Variants in MTHFD1 observed in about 807,000 individuals in gnomAD.
MTHFD1 encodes methylenetetrahydrofolate dehydrogenase, cyclohydrolase and formyltetrahydrofolate synthetase 1, also known as C-1-tetrahydrofolate synthase, cytoplasmic.
A neutral mutation model predicts 110.3 loss-of-function variants in MTHFD1; 44 were observed. That is an observed-to-expected ratio of 0.40 (90% CI 0.31 to 0.51). The LOEUF (loss-of-function observed/expected upper bound fraction) is 0.51, where lower values mean the gene tolerates loss of function less well. Ranked by LOEUF, MTHFD1 falls within the 20% of genes least tolerant of loss-of-function variation. MTHFD1 has a pLI of 0.60. For missense variants in MTHFD1, 909 were observed against 1,173.1 expected, an observed-to-expected ratio of 0.77 and a Z score of 3.29; for synonymous variants, 402 against 428.8, an observed-to-expected ratio of 0.94 and a Z score of 0.77.
chr14:64,388,368 G>A lies in MTHFD1; in HGVS notation c.-60G>A, dbSNP rs1253039105. ...GGGTTGGGTTGTCCTGCTTGGCTGC[G>A]GAGGGAGTGGAACCTCGATATTGGT... On this transcript the variant is annotated 5_prime_UTR_variant, in exon 1 of 28. Transcript: ENST00000652337. 1.2e-6 allele frequency: 2 copies of A among 1,614,172 alleles called. No homozygotes were observed. The highest frequency in any genetic ancestry group is 1.7e-6 in the Non-Finnish European group (2 of 1,180,014).
intron 11 of MTHFD1, among the ~76,000 whole-genome samples, chr14:64,426,425 T>C (rs911663138): frequency 1.2e-4 from 19 of 152,186 alleles, no homozygotes; most frequent in Non-Finnish European, 5.9e-5. Context: ...TGGAAGAGTT[T>C]GGTCTTAAAA....
chr14:64,437,271 C>T (rs2078213444), intron 16 of MTHFD1, among the ~76,000 whole-genome samples: 1 of 152,038 alleles, frequency 6.6e-6, no homozygotes, highest in Admixed American at 6.6e-5. Flanking sequence ...CATCCTTACA[C>T]TGCTTCACCA....
intron 2 of MTHFD1, among the ~76,000 whole-genome samples, chr14:64,410,408 G>T (rs1399789748): frequency 0.014 from 26 of 1,828 alleles, no homozygotes; most frequent in Middle Eastern, 0.5. Flanking sequence ...TTGTAAAGAT[G>T]GGGGGGGGGG....
chr14:64,410,837 A>C (rs2077978090), intron 2 of MTHFD1, among the ~76,000 whole-genome samples: 1 of 152,108 alleles, frequency 6.6e-6, no homozygotes, highest in Non-Finnish European at 1.5e-5. Flanking sequence ...GTGCAGATGC[A>C]GATATCCTCT....
intron 20 of MTHFD1, 36 bp downstream of exon 20, chr14:64,442,201 A>G (rs994143944): frequency 6.2e-7 from 1 of 1,613,744 alleles, no homozygotes; most frequent in Admixed American, 1.7e-5. Context: ...AATAGACTGT[A>G]TGTTTCTTTT....
chr14:64,414,294 T>A (rs1342363168), intron 4 of MTHFD1, among the ~76,000 whole-genome samples: 1 of 139,442 alleles, frequency 7.2e-6, no homozygotes, highest in African/African-American at 2.7e-5. Context: ...CGCTTTTTTT[T>A]TTTTTTTTTT....
Position 64,457,239 on chromosome 14 carries a change from G to A in MTHFD1, c.2719-975G>A, listed in dbSNP as rs557830222. Among the ~76,000 whole-genome samples the A allele has an allele frequency of 5.3e-5, 8 of 152,272 alleles. No homozygotes were observed. The South Asian group carries it at 1.4e-3, about 28-fold the overall frequency. The stretch of plus-strand genomic sequence containing the variant: ...GGCAGCTCAGCTAGCAAGACTGAAC[G>A]AAACAAAATTTAAAAGCAGGCAAGC... On this transcript the variant is annotated intron_variant, in intron 26 of 27. Transcript: ENST00000652337.
At chr14:64,434,057 C>T (rs1427137911) in intron 15 of MTHFD1, among the ~76,000 whole-genome samples, 1 of 152,074 alleles carries the variant, frequency 6.6e-6, no homozygotes, top group East Asian at 1.9e-4. Flanking sequence ...TTTTACAACA[C>T]TTCTTGGTCA....
intron 1 of MTHFD1, among the ~76,000 whole-genome samples, chr14:64,396,993 T>C (rs2077854530): frequency 1.4e-5 from 2 of 141,302 alleles, no homozygotes; most frequent in Admixed American, 7.2e-5. Context: ...TAGTCCCAGC[T>C]ACTTGGGAGG....
chr14:64,426,366 G>A (rs1410784754), intron 11 of MTHFD1, among the ~76,000 whole-genome samples, 174 bp downstream of exon 11: 1 of 152,176 alleles, frequency 6.6e-6, no homozygotes, highest in African/African-American at 2.4e-5. Context: ...GGTAAGAATA[G>A]ATTATAATCA....
chr14:64,398,867 T>C (rs527283386), intron 1 of MTHFD1, among the ~76,000 whole-genome samples: 2 of 152,362 alleles, frequency 1.3e-5, no homozygotes, highest in South Asian at 2.1e-4. Flanking sequence ...TATTCAGATA[T>C]GTATTTATGG....
chr14:64,448,990 G>A (rs971608786), intron 23 of MTHFD1: 17 of 248,874 alleles, frequency 6.8e-5, no homozygotes, highest in South Asian at 1.5e-4. Flanking sequence ...TAGTAGAGAC[G>A]GGGTTTCACC....
chr14:64,440,339 A>G (rs752835978), intron 18 of MTHFD1, 73 bp downstream of exon 18: 2 of 1,560,540 alleles, frequency 1.3e-6, no homozygotes, highest in South Asian at 1.1e-5. Context: ...GCAGTTATTA[A>G]TAACAAAATG....
intron 26 of MTHFD1, 66 bp from the exon 27 acceptor site, chr14:64,458,148 T>C (rs1427351774): frequency 7.8e-7 from 1 of 1,281,752 alleles, no homozygotes. Context: ...CACCTCAGCC[T>C]GGGATTATAG....
Position 64,459,894 on chromosome 14 carries a change from TC to T in MTHFD1, c.*144del. Reference sequence around the variant, plus strand: ...AGATCTGAAACTAATAGTAGGAGTTTCCCCAGAAGTCATTTTCAGCCTTAAT... The same window carrying T: ...AGATCTGAAACTAATAGTAGGAGTTTCCCAGAAGTCATTTTCAGCCTTAAT... On this transcript the variant is annotated 3_prime_UTR_variant, in exon 28 of 28. Transcript: ENST00000652337. The T allele has an allele frequency of 2.0e-6, 3 of 1,536,062 alleles. No homozygotes were observed. The highest frequency in any genetic ancestry group is 2.6e-6 in the Non-Finnish European group (3 of 1,146,852).
chr14:64,457,546 C>A (rs1290052024), intron 26 of MTHFD1, among the ~76,000 whole-genome samples: 2 of 151,760 alleles, frequency 1.3e-5, no homozygotes, highest in Non-Finnish European at 2.9e-5. Flanking sequence ...ACCTCCGCCT[C>A]CCAGGTTCAA....
At chr14:64,401,412 A>G (rs370993871) in intron 2 of MTHFD1, among the ~76,000 whole-genome samples, 1 of 152,206 alleles carries the variant, frequency 6.6e-6, no homozygotes, top group African/African-American at 2.4e-5. Flanking sequence ...ATTAGAAATT[A>G]GGAAGTTTTG....
At chr14:64,411,454 C>G (rs1275580470) in intron 3 of MTHFD1, among the ~76,000 whole-genome samples, 1 of 152,140 alleles carries the variant, frequency 6.6e-6, no homozygotes, top group African/African-American at 2.4e-5. Context: ...GGAGACAGGT[C>G]TATACCTTTC....
intron 6 of MTHFD1, among the ~76,000 whole-genome samples, chr14:64,416,049 C>T (rs1189421966): frequency 6.6e-6 from 1 of 152,098 alleles, no homozygotes; most frequent in African/African-American, 2.4e-5. Flanking sequence ...TCGAGACCAG[C>T]CTGGTCAACA....
Sources: gnomAD v4.1 joint callset for allele counts (sites outside exome capture counted in the v4.1 genomes callset) on GRCh38, gnomAD v4.1.1 for gene constraint, MANE v1.5 for transcripts, NCBI Gene and HGNC (gene_info 2026-07-23, HGNC 2026-07-21) for gene names.